The following PKHD1L1 variants were observed in gnomAD, a reference collection of about 807,000 sequenced individuals.
PKHD1L1 encodes the protein fibrocystin-L.
PKHD1L1 carries 434 observed loss-of-function variants against 462.9 expected under a neutral mutation model. The observed-to-expected ratio is 0.94, with a 90% CI of 0.87 to 1.02. The LOEUF (loss-of-function observed/expected upper bound fraction) is 1.02. PKHD1L1 is among the 50% of genes least tolerant of loss of function. PKHD1L1 has a pLI of 0.00. For missense variants in PKHD1L1, 5,202 were observed against 5,096.1 expected (o/e 1.02, Z -0.63); for synonymous variants, 1,781 against 1,750.0 (o/e 1.02, Z -0.44).
rs751086882 is a variant in PKHD1L1 at position 109,526,876 on chromosome 8, GGCAGCA to G, written c.12590_12595del (p.Ser4197_Ser4198del). 2 of 1,607,114 alleles carry G rather than the reference GGCAGCA, an allele frequency of 1.2e-6. No individual in the cohort carries two copies. The highest frequency in any genetic ancestry group is 1.1e-5 in the South Asian group (1 of 90,178). On this transcript the variant is annotated inframe_deletion, in exon 77 of 78. Coordinates refer to ENST00000378402, the MANE Select transcript of PKHD1L1 (RefSeq NM_177531.6). ...GCTGGCAGAGTCTGTCTCTAGCAGT[GGCAGCA>G]GCAGCAGCAGCAACAGCAAAGCATC...
At chr8:109,452,073 T>C (rs991629872) in intron 41 of PKHD1L1, 51 bp from the exon 42 acceptor site, 6 of 1,540,658 alleles carry the variant, frequency 3.9e-6, no homozygotes, top group Non-Finnish European at 5.3e-6. Context: ...GACAGTGTGA[T>C]CTAGATATTT....
intron 72 of PKHD1L1, 95 bp from the exon 73 acceptor site, chr8:109,518,072 G>A: frequency 1.3e-6 from 1 of 787,230 alleles, no homozygotes; most frequent in Non-Finnish European, 1.9e-6. Context: ...TGAATTTGGG[G>A]GACTTTCTAA....
rs1463646570 is a variant in PKHD1L1, at chr8:109,464,865, A to C, written c.8033A>C (p.Asn2678Thr). ...TTCCATAACTTTGTGATGGTGAATA[A>C]CTATGAGGCTGGAATTGAGACTAAG... ...LQFHNFVMVN[N>T]YEAGIETKRI... Residue 2678 changes from asparagine (N) to threonine (T), a missense_variant, in exon 49 of 78, where the codon AAC (asparagine) becomes ACC (threonine). Physicochemically the swap from Asn to Thr is moderately conservative, Grantham distance 65 (BLOSUM62 0). This residue lies in a region of PKHD1L1 where 4,497 missense variants were observed against 4,336.8 expected (regional missense o/e 1.04). Transcript: ENST00000378402. The C allele has an allele frequency of 1.9e-6, 3 of 1,613,750 alleles. No homozygotes were observed. In the Admixed American group the frequency reaches 5.0e-5, roughly 27 times the overall value.
At chr8:109,392,610 A>AT (rs1812766116) in intron 9 of PKHD1L1, among the ~76,000 whole-genome samples, 1 of 152,146 alleles carries the variant, frequency 6.6e-6, no homozygotes, top group Non-Finnish European at 1.5e-5. Flanking sequence ...CAGAAATATG[A>AT]CATTTATGAT....
At chr8:109,386,284 C>G (rs1812439726) in intron 6 of PKHD1L1, among the ~76,000 whole-genome samples, 1 of 152,196 alleles carries the variant, frequency 6.6e-6, no homozygotes, top group East Asian at 1.9e-4. Flanking sequence ...GGTGTTATTT[C>G]AGTCCTGCCT....
chr8:109,458,916 T>G (rs937649966), intron 46 of PKHD1L1, among the ~76,000 whole-genome samples: 2 of 152,126 alleles, frequency 1.3e-5, no homozygotes, highest in African/African-American at 2.4e-5. Flanking sequence ...AATAAATGTT[T>G]GTTGAATGAC....
At chr8:109,523,719 A>G (rs1820677861) in intron 76 of PKHD1L1, among the ~76,000 whole-genome samples, 2 of 152,224 alleles carry the variant, frequency 1.3e-5, no homozygotes, top group African/African-American at 4.8e-5. Context: ...AAAAGAAAGG[A>G]TAAGGTAGGC....
At chr8:109,492,204 C>G (rs1176967536) in intron 62 of PKHD1L1, among the ~76,000 whole-genome samples, 1 of 151,000 alleles carries the variant, frequency 6.6e-6, no homozygotes, top group Non-Finnish European at 1.5e-5. Context: ...ATTTCAAGTT[C>G]CAGTACAGGG....
chr8:109,471,498 A>AT (rs1424281156), intron 50 of PKHD1L1, among the ~76,000 whole-genome samples: 1 of 152,132 alleles, frequency 6.6e-6, no homozygotes, highest in African/African-American at 2.4e-5. Flanking sequence ...TTTCTAAGAC[A>AT]TTTTTCATTC....
At chr8:109,475,786 T>C (rs1355027462) in intron 51 of PKHD1L1, among the ~76,000 whole-genome samples, 1 of 144,036 alleles carries the variant, frequency 6.9e-6, no homozygotes, top group East Asian at 2.0e-4. Context: ...AGGCAGAGGT[T>C]GCAGTGAACC....
intron 32 of PKHD1L1, 149 bp from the exon 33 acceptor site, chr8:109,440,561 A>G: frequency 1.7e-6 from 1 of 590,840 alleles, no homozygotes; most frequent in Non-Finnish European, 2.7e-6. Flanking sequence ...CGAGATTATG[A>G]TAATTGCCAG....
intron 13 of PKHD1L1, 23 bp from the exon 14 acceptor site, chr8:109,401,474 T>A: frequency 7.7e-7 from 1 of 1,302,306 alleles, no homozygotes; most frequent in Non-Finnish European, 1.1e-6. Context: ...CCCTTTTCTC[T>A]GTCTCTGTCT....
Position 109,533,682 on chromosome 8 carries a change from G to A in PKHD1L1, c.*3592G>A, listed in dbSNP as rs1032890073. 5.3e-5 allele frequency among the ~76,000 whole-genome samples: 8 copies of A among 152,088 alleles called. No individual in the cohort carries two copies. Among genetic ancestry groups the A allele is most frequent in the Non-Finnish European group, 1.0e-4 (7 of 68,020 alleles). The stretch of plus-strand genomic sequence containing the variant: ...CTTTCTGTTTTTCCAGCTACATGGA[G>A]CAAGATGGCTCCTGAGACCTGGAGG... On this transcript the variant is annotated 3_prime_UTR_variant, in exon 78 of 78. Transcript: ENST00000378402.
chr8:109,408,562 T>A (rs1202765897), intron 18 of PKHD1L1, among the ~76,000 whole-genome samples: 1 of 152,196 alleles, frequency 6.6e-6, no homozygotes, highest in East Asian at 1.9e-4. Context: ...AGAGATGTAG[T>A]GCAATAAAAG....
chr8:109,530,114 G>GA lies in PKHD1L1; in HGVS notation c.*27dup, dbSNP rs34490230. The GA allele has an allele frequency of 0.13, 165,756 of 1,278,794 alleles. 16,225 individuals are homozygous for GA. The highest frequency in any genetic ancestry group is 0.31 in the African/African-American group (19,551 of 63,058). 79.2% of individuals were successfully genotyped at this position (1,278,794 alleles called of 1,614,324 possible). A position where few individuals can be genotyped will look rare whatever the true frequency, so the allele number is the denominator to read the frequency against. ...AAAGTGCTGTTCCGAAGAATAGGCT[G>GA]AAACAAAAATATAAGAATTATTAGC... is the stretch of plus-strand genomic sequence containing the variant. On this transcript the variant is annotated 3_prime_UTR_variant, in exon 78 of 78. Coordinates refer to ENST00000378402, the MANE Select transcript of PKHD1L1 (RefSeq NM_177531.6).
In PKHD1L1 at chr8:109,477,391, A is replaced by T. The variant is rs1783148; in HGVS notation, c.9084A>T (p.Thr3028=). The change falls in exon 53 of 78, where the codon ACA becomes ACT. Residue 3028 remains threonine (T), a synonymous_variant. Transcript: ENST00000378402. ...CAATTCCCAAGAAGCGACCAGCCAC[A>T]TATAAGTACATAGGCCTTTTGTAGT... ...RKPIPKKRPA[T]YNLWSNDSFW... is the part of the protein sequence containing the mutation. 0.39 allele frequency: 624,719 copies of T among 1,610,868 alleles called. 124,244 individuals carry two copies. The highest frequency in any genetic ancestry group is 0.57 in the South Asian group (51,367 of 90,910).
Position 109,408,048 on chromosome 8 carries a change from G to A in PKHD1L1, c.1814-1G>A. On this transcript the variant is annotated splice_acceptor_variant, in intron 17 of 77. Coordinates refer to ENST00000378402, the MANE Select transcript of PKHD1L1 (RefSeq NM_177531.6). LOFTEE classifies it high-confidence loss of function. ...AAATTCTGTTTGTCACTTAATTTCA[G>A]GAGACTTTGATCTGCTTGGTTATGA... The A allele has an allele frequency of 6.3e-7, 1 of 1,581,324 alleles. No individual in the cohort carries two copies. The highest frequency in any genetic ancestry group is 8.6e-7 in the Non-Finnish European group (1 of 1,161,932).
At chr8:109,401,301 G>A (rs911988793) in intron 13 of PKHD1L1, among the ~76,000 whole-genome samples, 196 bp from the exon 14 acceptor site, 6 of 147,168 alleles carry the variant, frequency 4.1e-5, no homozygotes, top group Admixed American at 2.9e-4. Context: ...TAGAAGGAAT[G>A]AAGTGAACTT....
intron 67 of PKHD1L1, among the ~76,000 whole-genome samples, chr8:109,503,287 A>AAAAAAC (rs1163120584): frequency 4.2e-5 from 6 of 142,674 alleles, no homozygotes; most frequent in African/African-American, 1.1e-4. Context: ...CTCAAAAAAC[A>AAAAAAC]AAAAACAAAA....
Sources: allele counts gnomAD v4.1 joint callset (sites outside exome capture counted in the v4.1 genomes callset), GRCh38; gene constraint gnomAD v4.1.1; regional missense constraint gnomAD v4.1.1; transcripts MANE v1.5; gene names NCBI Gene and HGNC (gene_info 2026-07-23, HGNC 2026-07-21).